The following AGAP1 variants were observed in gnomAD, a reference collection of about 807,000 sequenced individuals.
The protein encoded by AGAP1 is ArfGAP with GTPase domain, ankyrin repeat and PH domain 1.
A neutral mutation model predicts 105.3 loss-of-function variants in AGAP1; 29 were observed. That is an observed-to-expected ratio of 0.28 (90% CI 0.21 to 0.38). AGAP1 has a LOEUF of 0.38. Ranked by LOEUF, AGAP1 falls within the 10% of genes least tolerant of loss-of-function variation. AGAP1 has a pLI of 1.00. For missense variants in AGAP1, 998 were observed against 1,165.1 expected, an observed-to-expected ratio of 0.86 and a Z score of 2.09; for synonymous variants, 509 against 485.9, an observed-to-expected ratio of 1.05 and a Z score of -0.63.
intron 6 of AGAP1, among the ~76,000 whole-genome samples, chr2:235,795,958 A>G (rs4471841): frequency 0.28 from 43,288 of 152,080 alleles, 6,472 homozygotes; most frequent in Admixed American, 0.41. Context: ...TATTTGACTT[A>G]TCTTAGGAAG....
At chr2:236,064,998 A>G (rs1559240519) in intron 16 of AGAP1, among the ~76,000 whole-genome samples, 1 of 152,150 alleles carries the variant, frequency 6.6e-6, no homozygotes, top group African/African-American at 2.4e-5. Context: ...GTCATGATAT[A>G]TGACTGATAA....
chr2:235,502,957 G>C (rs867746637), intron 1 of AGAP1, among the ~76,000 whole-genome samples: 2 of 113,234 alleles, frequency 1.8e-5, no homozygotes, highest in South Asian at 3.0e-4. Context: ...AATTCAATAA[G>C]TTTTAGTTTT....
intron 12 of AGAP1, among the ~76,000 whole-genome samples, chr2:235,944,180 T>G (rs1349687803): frequency 3.3e-5 from 5 of 152,222 alleles, no homozygotes; most frequent in African/African-American, 1.2e-4. Context: ...AATTATATAC[T>G]TATTTACAGG....
At chr2:236,049,672 T>TCCCC (rs60261607) in intron 16 of AGAP1, 30 of 153,630 alleles carry the variant, frequency 2.0e-4, no homozygotes, top group African/African-American at 7.2e-4. Context: ...GCTCTGTCGA[T>TCCCC]CCCCCCCCCG....
intron 1 of AGAP1, among the ~76,000 whole-genome samples, chr2:235,581,729 C>T (rs1383995534): frequency 6.6e-6 from 1 of 151,776 alleles, no homozygotes; most frequent in Non-Finnish European, 1.5e-5. Context: ...TGCTTGAACC[C>T]GGAAAGTGGA....
In AGAP1 at chr2:235,670,512, G is replaced by T. The variant is rs1367640708; in HGVS notation, c.164-38667G>T. Reference sequence around the variant, plus strand: ...GGACGCGGCTCGCCCGCGTCCGGCAGCCCCGACGTGGAGGGGGCCCGGGCC... The same window carrying T: ...GGACGCGGCTCGCCCGCGTCCGGCATCCCCGACGTGGAGGGGGCCCGGGCC... On this transcript the variant is annotated intron_variant, in intron 1 of 17. Coordinates refer to ENST00000304032, the MANE Select transcript of AGAP1 (RefSeq NM_001037131.3). 5 of 494,156 alleles carry T rather than the reference G, an allele frequency of 1.0e-5. No individual in the cohort carries two copies. The South Asian group carries it at 1.1e-4, about 11-fold the overall frequency. The allele number at this position is 494,156 out of a possible 1,614,324, so 30.6% of individuals were successfully genotyped here. A position where few individuals can be genotyped will look rare whatever the true frequency, so the allele number is the denominator to read the frequency against.
At chr2:235,543,325 T>C (rs1290561494) in intron 1 of AGAP1, among the ~76,000 whole-genome samples, 1 of 152,172 alleles carries the variant, frequency 6.6e-6, no homozygotes, top group Non-Finnish European at 1.5e-5. Context: ...GTACCCGTTG[T>C]TCAGGATGAA....
intron 16 of AGAP1, among the ~76,000 whole-genome samples, chr2:236,064,040 A>G (rs966331662): frequency 2.0e-5 from 3 of 152,212 alleles, no homozygotes; most frequent in Admixed American, 6.5e-5. Flanking sequence ...AGCTGCCACA[A>G]TGTCTTCATG....
In AGAP1 at chr2:235,797,871, C is replaced by T. The variant is rs137978600; in HGVS notation, c.786C>T (p.Ala262=). 4.2e-5 allele frequency: 67 copies of T among 1,614,156 alleles called. No individual in the cohort carries two copies. Among genetic ancestry groups the T allele is most frequent in the East Asian group, 1.3e-4 (6 of 44,882 alleles). Residue 262 remains alanine (A), a synonymous_variant, in exon 7 of 18, where the codon GCC becomes GCT. Coordinates refer to ENST00000304032, the MANE Select transcript of AGAP1 (RefSeq NM_001037131.3). ...HSSVCSAQVS[A]VHISQTSNGG... ...CCGTCTGTTCCGCGCAGGTGTCTGC[C>T]GTGCACATCAGCCAGGTACGTTAGG...
chr2:235,790,521 C>T (rs1956910461), intron 6 of AGAP1, among the ~76,000 whole-genome samples: 1 of 152,200 alleles, frequency 6.6e-6, no homozygotes, highest in Non-Finnish European at 1.5e-5. Context: ...CCTGTATCTT[C>T]TAACCACCCC....
intron 12 of AGAP1, among the ~76,000 whole-genome samples, chr2:235,947,311 C>G (rs1163367356): frequency 6.6e-6 from 1 of 152,184 alleles, no homozygotes; most frequent in Admixed American, 6.5e-5. Flanking sequence ...ACTTATGAGT[C>G]AGAGCATACC....
At chr2:235,598,077 C>T (rs1174857147) in intron 1 of AGAP1, among the ~76,000 whole-genome samples, 3 of 150,654 alleles carry the variant, frequency 2.0e-5, no homozygotes, top group African/African-American at 7.4e-5. Context: ...AGCGTGCACG[C>T]GCTCCCGTGT....
chr2:235,844,144 G>A (rs1961191501), intron 9 of AGAP1, among the ~76,000 whole-genome samples: 3 of 152,300 alleles, frequency 2.0e-5, no homozygotes, highest in East Asian at 1.9e-4. Flanking sequence ...GAGAGTCCTC[G>A]GCTTGCCCCC....
At chr2:235,940,854 G>C (rs993549756) in intron 12 of AGAP1, among the ~76,000 whole-genome samples, 8 of 152,094 alleles carry the variant, frequency 5.3e-5, no homozygotes, top group Non-Finnish European at 8.8e-5. Flanking sequence ...ACCTGGAGCT[G>C]TGTCCATCCC....
chr2:235,756,402 G>A (rs1953929614), intron 6 of AGAP1, among the ~76,000 whole-genome samples: 2 of 152,136 alleles, frequency 1.3e-5, no homozygotes, highest in African/African-American at 4.8e-5. Context: ...TATGGCATGT[G>A]GGATTTTAAA....
In AGAP1 at chr2:235,845,364, C is replaced by T. The variant is rs1961347493; in HGVS notation, c.1051-37981C>T. Reference sequence around the variant, plus strand: ...AGAGCAAAATCCAACACCATGCTGGCTTCTGGGAGTGCAGATTTTGCAGAC... The same window carrying T: ...AGAGCAAAATCCAACACCATGCTGGTTTCTGGGAGTGCAGATTTTGCAGAC... On this transcript the variant is annotated intron_variant, in intron 9 of 17. Coordinates refer to ENST00000304032, the MANE Select transcript of AGAP1 (RefSeq NM_001037131.3). This position sits in a 1 kb window ranked among gnomAD's most constrained non-coding sequence, Gnocchi z 4.8. 6.6e-6 allele frequency among the ~76,000 whole-genome samples: 1 copy of T among 152,118 alleles called. No homozygotes were observed. Among genetic ancestry groups the T allele is most frequent in the African/African-American group, 2.4e-5 (1 of 41,432 alleles).
At chr2:235,755,986 T>C (rs541701613) in intron 6 of AGAP1, among the ~76,000 whole-genome samples, 1 of 152,314 alleles carries the variant, frequency 6.6e-6, no homozygotes, top group East Asian at 1.9e-4. Flanking sequence ...GGCCAAGTCA[T>C]GTTCAAGGTG....
chr2:235,718,061 A>G (rs1951207893), intron 3 of AGAP1, among the ~76,000 whole-genome samples: 1 of 152,200 alleles, frequency 6.6e-6, no homozygotes, highest in Non-Finnish European at 1.5e-5. Flanking sequence ...CGTTCAGATT[A>G]CCACCACCAT....
chr2:235,542,353 G>A (rs1025701529), intron 1 of AGAP1, among the ~76,000 whole-genome samples: 3 of 152,166 alleles, frequency 2.0e-5, no homozygotes, highest in Non-Finnish European at 2.9e-5. Flanking sequence ...GTGGATAAGC[G>A]GGATTGAATC....
Sources: allele counts gnomAD v4.1 joint callset (sites outside exome capture counted in the v4.1 genomes callset), GRCh38; gene constraint gnomAD v4.1.1; non-coding constraint Gnocchi (gnomAD v3.1); transcripts MANE v1.5; gene names NCBI Gene and HGNC (gene_info 2026-07-23, HGNC 2026-07-21).